SV2B: variants seen among roughly 807,000 people sequenced by gnomAD.
The protein encoded by SV2B is solute carrier family 22 member B2.
Under a neutral mutation model 73.9 loss-of-function variants are expected in SV2B, and 41 were observed. The ratio of observed to expected loss-of-function variants is 0.56; its 90% CI spans 0.43 to 0.72. The LOEUF is 0.72. SV2B is among the 30% of genes least tolerant of loss of function. The pLI is 0.00. For missense variants in SV2B, 764 were observed against 857.8 expected (o/e 0.89, Z 1.37); for synonymous variants, 314 against 314.2 (o/e 1.00, Z 0.01).
intron 1 of SV2B, among the ~76,000 whole-genome samples, chr15:91,131,807 A>G (rs2141155723): frequency 6.6e-6 from 1 of 152,314 alleles, no homozygotes; most frequent in South Asian, 2.1e-4. Context: ...TACTAAAAAT[A>G]CAAAAATTAG....
At chr15:91,119,384 AC>A (rs1220744905) in intron 1 of SV2B, among the ~76,000 whole-genome samples, 1 of 152,152 alleles carries the variant, frequency 6.6e-6, no homozygotes, top group East Asian at 1.9e-4. Context: ...CCATTTGGTG[AC>A]CTGCCTGAAT....
rs2141849953 is a variant in SV2B, at chr15:91,300,595, T to G, written c.*8043T>G. 1 of 152,198 alleles carries G rather than the reference T, an allele frequency of 6.6e-6. No homozygotes were observed. Among genetic ancestry groups the G allele is most frequent in the African/African-American group, 2.4e-5 (1 of 41,522 alleles). 9.4% of individuals were successfully genotyped at this position (152,198 alleles called of 1,614,324 possible). ...GGGAGGTGGCCTAGACAGGTGCCGG[T>G]TTTGGGGAGAGGTGAGAGTACCCAG... On this transcript the variant is annotated 3_prime_UTR_variant, in exon 13 of 13. Coordinates refer to ENST00000394232, the MANE Select transcript of SV2B (RefSeq NM_001323032.3).
In SV2B at chr15:91,298,250, T is replaced by A. The variant is rs2049320209; in HGVS notation, c.*5698T>A. On this transcript the variant is annotated 3_prime_UTR_variant, in exon 13 of 13. Coordinates refer to ENST00000394232, the MANE Select transcript of SV2B (RefSeq NM_001323032.3). The surrounding 1 kb of genome is among the most constrained non-coding windows in gnomAD (Gnocchi z 5.4). ...AATGGCTACTGTGTGTCTTGTGCTA[T>A]GCTAGGTCTCTCTCTCTCTAAGTGG... 2 of 152,268 alleles carry A rather than the reference T, an allele frequency of 1.3e-5. No homozygotes were observed. The highest frequency in any genetic ancestry group is 1.3e-4 in the Admixed American group (2 of 15,292). 9.4% of individuals were successfully genotyped at this position (152,268 alleles called of 1,614,324 possible).
intron 2 of SV2B, among the ~76,000 whole-genome samples, chr15:91,228,441 C>T (rs2141497583): frequency 6.6e-6 from 1 of 152,222 alleles, no homozygotes; most frequent in Admixed American, 6.5e-5. Context: ...CCAAACAAAA[C>T]AAAACCATCT....
intron 1 of SV2B, among the ~76,000 whole-genome samples, chr15:91,207,662 T>G (rs1245874298): frequency 6.6e-6 from 1 of 152,158 alleles, no homozygotes; most frequent in Non-Finnish European, 1.5e-5. Flanking sequence ...AATAAAAGCA[T>G]ACCAACTTAT....
chr15:91,119,676 A>G (rs1165895550), intron 1 of SV2B, among the ~76,000 whole-genome samples: 1 of 152,244 alleles, frequency 6.6e-6, no homozygotes. Context: ...GCCAAGTTGC[A>G]TTGTAGAAAG....
At position 91,140,180 on chromosome 15, in the gene SV2B, A is replaced by G. The variant is rs147079816; in HGVS notation, c.-392+39817A>G. Among the ~76,000 whole-genome samples, 993 of 152,362 alleles carry G rather than the reference A, an allele frequency of 6.5e-3. 5 individuals are homozygous for G. Among genetic ancestry groups the G allele is most frequent in the Non-Finnish European group, 0.011 (719 of 68,032 alleles). On this transcript the variant is annotated intron_variant, in intron 1 of 12. Coordinates refer to ENST00000394232, the MANE Select transcript of SV2B (RefSeq NM_001323032.3). This position sits in a 1 kb window ranked among gnomAD's most constrained non-coding sequence, Gnocchi z 4.4. ...TTTCTGAGCTGTTGTCCATCCAGCTATTAACAAACATTCCGTGAGTATCAC... is the reference window on the plus strand; with the variant it reads ...TTTCTGAGCTGTTGTCCATCCAGCTGTTAACAAACATTCCGTGAGTATCAC...
chr15:91,254,051 C>T (rs942385183), intron 4 of SV2B, among the ~76,000 whole-genome samples: 4 of 152,296 alleles, frequency 2.6e-5, no homozygotes, highest in African/African-American at 9.6e-5. Context: ...CTGTCAGGTT[C>T]TGCAAGATAT....
Position 91,259,201 on chromosome 15 carries a change from C to G in SV2B, c.918+647C>G, listed in dbSNP as rs148599272. On this transcript the variant is annotated intron_variant, in intron 5 of 12. Coordinates refer to ENST00000394232, the MANE Select transcript of SV2B (RefSeq NM_001323032.3). ...AGAGCTATGGTACAGCTCGTTGCTG[C>G]TCCTAAGCACTTCAGGTCTTTTAGC... 4.2e-3 allele frequency among the ~76,000 whole-genome samples: 642 copies of G among 152,304 alleles called. 5 individuals are homozygous for G. The highest frequency in any genetic ancestry group is 0.015 in the African/African-American group (619 of 41,560).
intron 1 of SV2B, among the ~76,000 whole-genome samples, chr15:91,138,525 G>A (rs886101418): frequency 1.3e-5 from 2 of 152,142 alleles, no homozygotes; most frequent in African/African-American, 4.8e-5. Context: ...GGCACTCTGA[G>A]TTCATGGATT....
intron 1 of SV2B, among the ~76,000 whole-genome samples, chr15:91,203,169 A>G (rs1596574662): frequency 6.6e-6 from 1 of 152,210 alleles, no homozygotes; most frequent in South Asian, 2.1e-4. Context: ...GCTTTCCTGT[A>G]AAGATTTAGG....
chr15:91,178,644 T>G (rs1316744571), intron 1 of SV2B, among the ~76,000 whole-genome samples: 1 of 152,002 alleles, frequency 6.6e-6, no homozygotes, highest in Non-Finnish European at 1.5e-5. Context: ...TCGAGAAATT[T>G]ATCCATTTCT....
chr15:91,209,119 T>G (rs1048291012), intron 1 of SV2B, among the ~76,000 whole-genome samples: 2 of 139,444 alleles, frequency 1.4e-5, no homozygotes, highest in Non-Finnish European at 3.1e-5. Context: ...TTTTTGTTTT[T>G]TTTTTTTTTT....
In SV2B at chr15:91,141,588, T is replaced by C. The variant is rs1039479185; in HGVS notation, c.-392+41225T>C. Among the ~76,000 whole-genome samples the C allele has an allele frequency of 1.3e-5, 2 of 152,214 alleles. No individual in the cohort carries two copies. Among genetic ancestry groups the C allele is most frequent in the African/African-American group, 4.8e-5 (2 of 41,446 alleles). On this transcript the variant is annotated intron_variant, in intron 1 of 12. Coordinates refer to ENST00000394232, the MANE Select transcript of SV2B (RefSeq NM_001323032.3). This position sits in a 1 kb window ranked among gnomAD's most constrained non-coding sequence, Gnocchi z 4.6. ...AAAGAGTGGTAAGGGTAATATCTACTTGAGAGGGCTCTTGTGAAGATTAAA... is the reference window on the plus strand; with the variant it reads ...AAAGAGTGGTAAGGGTAATATCTACCTGAGAGGGCTCTTGTGAAGATTAAA...
chr15:91,282,067 G>C (rs938342752), intron 10 of SV2B, among the ~76,000 whole-genome samples: 1 of 152,220 alleles, frequency 6.6e-6, no homozygotes, highest in South Asian at 2.1e-4. Context: ...ATGTATCTGC[G>C]TCTCAGTTTT....
Position 91,284,182 on chromosome 15 carries a change from G to T in SV2B, c.1669G>T (p.Ala557Ser). 6.2e-7 allele frequency: 1 copy of T among 1,614,190 alleles called. No homozygotes were observed. The highest frequency in any genetic ancestry group is 8.5e-7 in the Non-Finnish European group (1 of 1,180,036). The part of the protein sequence containing the change: ...LSVLPGNIIS[A>S]LLMDRIGRLK... ...TGTCTTACCCGGGAACATCATTTCT[G>T]CCCTGCTCATGGATAGAATTGGAAG... is the stretch of plus-strand genomic sequence containing the variant. The change falls in exon 11 of 13, where the codon GCC (alanine) becomes TCC (serine). Residue 557 changes from alanine (A) to serine (S), a missense_variant. Transcript: ENST00000394232. The surrounding 1 kb of genome is among the most constrained non-coding windows in gnomAD (Gnocchi z 4.5).
intron 9 of SV2B, among the ~76,000 whole-genome samples, chr15:91,277,788 T>C (rs2106693): frequency 0.1 from 15,371 of 152,270 alleles, 845 homozygotes; most frequent in Non-Finnish European, 0.12. Context: ...TATATTTATA[T>C]ATGAATTTGT....
chr15:91,183,040 G>A lies in SV2B; in HGVS notation c.-391-42833G>A, dbSNP rs951611064. ...TTCAGATCCTGTGCTCATGGAGTGC[G>A]TATTCTAAGGCAGAGACAGACATTA... On this transcript the variant is annotated intron_variant, in intron 1 of 12. Coordinates refer to ENST00000394232, the MANE Select transcript of SV2B (RefSeq NM_001323032.3). Among the ~76,000 whole-genome samples, 24 of 152,164 alleles carry A rather than the reference G, an allele frequency of 1.6e-4. 1 individual carries two copies. Among genetic ancestry groups the A allele is most frequent in the African/African-American group, 5.3e-4 (22 of 41,442 alleles).
At position 91,283,497 on chromosome 15, in the gene SV2B, A is replaced by G. The variant is rs2048748340; in HGVS notation, c.1508-524A>G. On this transcript the variant is annotated intron_variant, in intron 10 of 12. Coordinates refer to ENST00000394232, the MANE Select transcript of SV2B (RefSeq NM_001323032.3). The surrounding 1 kb of genome is among the most constrained non-coding windows in gnomAD (Gnocchi z 4.3). Reference sequence around the variant, plus strand: ...TTTGCCCAGGCTGGAATGCAGTGGCATGACCATGGCTCAATGTAGCCTTGA... The same window carrying G: ...TTTGCCCAGGCTGGAATGCAGTGGCGTGACCATGGCTCAATGTAGCCTTGA... Among the ~76,000 whole-genome samples the G allele has an allele frequency of 6.6e-6, 1 of 152,064 alleles. No individual in the cohort carries two copies. Among genetic ancestry groups the G allele is most frequent in the Non-Finnish European group, 1.5e-5 (1 of 68,020 alleles).
Sources: allele counts gnomAD v4.1 joint callset (sites outside exome capture counted in the v4.1 genomes callset), GRCh38; gene constraint gnomAD v4.1.1; non-coding constraint Gnocchi (gnomAD v3.1); transcripts MANE v1.5; gene names NCBI Gene and HGNC (gene_info 2026-07-23, HGNC 2026-07-21).